RNF150: variants seen among roughly 807,000 people sequenced by gnomAD.
RNF150 encodes ring finger protein 150.
Under a neutral mutation model 39.3 loss-of-function variants are expected in RNF150, and 24 were observed. That is an observed-to-expected ratio of 0.61 (90% CI 0.44 to 0.86). RNF150 has a LOEUF of 0.86. RNF150 is among the 40% of genes least tolerant of loss of function. RNF150 has a pLI of 0.00. For missense variants in RNF150, 502 were observed against 587.8 expected, an observed-to-expected ratio of 0.85 and a Z score of 1.51; for synonymous variants, 255 against 227.3, an observed-to-expected ratio of 1.12 and a Z score of -1.10.
At position 141,078,703 on chromosome 4, in the gene RNF150, C is replaced by T. The variant is rs565415981; in HGVS notation, c.484+53622G>A. Reference sequence around the variant, plus strand: ...TACTCAGGAGGCTGAGGCAGGAGAACGGCGTGAACCCAGGCGGTGGAGCTT... The same window carrying T: ...TACTCAGGAGGCTGAGGCAGGAGAATGGCGTGAACCCAGGCGGTGGAGCTT... On this transcript the variant is annotated intron_variant, in intron 1 of 6. Coordinates refer to ENST00000515673, the MANE Select transcript of RNF150 (RefSeq NM_020724.2). Among the ~76,000 whole-genome samples, 11 of 147,082 alleles carry T rather than the reference C, an allele frequency of 7.5e-5. No individual in the cohort carries two copies. The East Asian group carries it at 8.1e-4, about 11-fold the overall frequency.
intron 1 of RNF150, among the ~76,000 whole-genome samples, chr4:141,084,249 C>A (rs973218211): frequency 6.6e-6 from 1 of 152,104 alleles, no homozygotes; most frequent in African/African-American, 2.4e-5. Context: ...TCTTATAATT[C>A]ACCCGGATTT....
chr4:141,124,111 C>T (rs137886055), intron 1 of RNF150, among the ~76,000 whole-genome samples: 84 of 152,354 alleles, frequency 5.5e-4, no homozygotes, highest in African/African-American at 2.0e-3. Context: ...GTGCTCAGCC[C>T]TCTCTTGCTG....
At chr4:141,201,095 T>TGAATTAGTTA (rs1553954772) in intron 1 of RNF150, among the ~76,000 whole-genome samples, 6 of 77,544 alleles carry the variant, frequency 7.7e-5, no homozygotes, top group Admixed American at 6.1e-4. Context: ...TTATTTCAGA[T>TGAATTAGTTA]CTTTACCAAT....
intron 1 of RNF150, among the ~76,000 whole-genome samples, chr4:141,104,941 C>A (rs1560741058): frequency 6.6e-6 from 1 of 152,178 alleles, no homozygotes; most frequent in Non-Finnish European, 1.5e-5. Context: ...CCTCTTATAT[C>A]CCAGTTGCAG....
chr4:141,061,267 T>A (rs901981533), intron 1 of RNF150, among the ~76,000 whole-genome samples: 4 of 152,142 alleles, frequency 2.6e-5, no homozygotes, highest in Admixed American at 2.6e-4. Context: ...TAGCCTAAAT[T>A]TTCATTTTTT....
chr4:141,032,886 T>G (rs1322102581), intron 1 of RNF150, among the ~76,000 whole-genome samples: 2 of 152,220 alleles, frequency 1.3e-5, no homozygotes, highest in Non-Finnish European at 2.9e-5. Context: ...TTAAAAATAC[T>G]TTATTGCTAA....
At chr4:141,022,242 G>T (rs1735523965) in intron 1 of RNF150, among the ~76,000 whole-genome samples, 1 of 151,688 alleles carries the variant, frequency 6.6e-6, no homozygotes, top group Non-Finnish European at 1.5e-5. Context: ...TTTCCTGCAG[G>T]CTGGTGGAAT....
At chr4:141,165,033 G>A (rs961136329) in intron 1 of RNF150, among the ~76,000 whole-genome samples, 4 of 152,080 alleles carry the variant, frequency 2.6e-5, no homozygotes, top group South Asian at 2.1e-4. Context: ...ACTCACCAGC[G>A]TGCTGTATTC....
At chr4:140,909,518 T>C (rs1239012951) in intron 6 of RNF150, among the ~76,000 whole-genome samples, 1 of 151,886 alleles carries the variant, frequency 6.6e-6, no homozygotes, top group Non-Finnish European at 1.5e-5. Flanking sequence ...TTCTGAAACA[T>C]GCTGTAAGTG....
chr4:141,115,084 AG>A (rs1739506497), intron 1 of RNF150, among the ~76,000 whole-genome samples: 3 of 152,312 alleles, frequency 2.0e-5, no homozygotes, highest in Admixed American at 2.0e-4. Flanking sequence ...AACCAGCACA[AG>A]ACAAGGATGC....
intron 4 of RNF150, among the ~76,000 whole-genome samples, chr4:140,927,028 C>G (rs184265080): frequency 1.3e-5 from 2 of 152,356 alleles, no homozygotes; most frequent in East Asian, 3.9e-4. Flanking sequence ...ATTCTGTTCT[C>G]TCACTTGCAC....
chr4:141,160,656 C>T (rs188686433), intron 1 of RNF150, among the ~76,000 whole-genome samples: 27 of 152,204 alleles, frequency 1.8e-4, no homozygotes, highest in Admixed American at 1.3e-3. Flanking sequence ...GGTTTAGCAC[C>T]GTCCCCTCTT....
At chr4:141,056,437 A>G (rs1489405608) in intron 1 of RNF150, among the ~76,000 whole-genome samples, 1 of 152,114 alleles carries the variant, frequency 6.6e-6, no homozygotes, top group Non-Finnish European at 1.5e-5. Flanking sequence ...CACCTGCCCA[A>G]GGTCCTTAAA....
At position 141,109,368 on chromosome 4, in the gene RNF150, T is replaced by C. The variant is rs114505302; in HGVS notation, c.484+22957A>G. On this transcript the variant is annotated intron_variant, in intron 1 of 6. Transcript: ENST00000515673. The stretch of plus-strand genomic sequence containing the variant: ...GTAAAGTCCTGTTCTTTGTATTAGT[T>C]GGTACAAAGGAGCCAAGGAGAAATA... Among the ~76,000 whole-genome samples, 1,328 of 152,120 alleles carry C rather than the reference T, an allele frequency of 8.7e-3. 12 individuals carry two copies. Among genetic ancestry groups the C allele is most frequent in the Non-Finnish European group, 0.015 (993 of 68,006 alleles).
chr4:141,000,391 A>C (rs1442939949), intron 1 of RNF150, among the ~76,000 whole-genome samples: 3 of 152,312 alleles, frequency 2.0e-5, no homozygotes, highest in East Asian at 3.9e-4. Flanking sequence ...ATTCCTCAGT[A>C]AAGTTTTTAA....
chr4:141,082,300 T>A lies in RNF150; in HGVS notation c.484+50025A>T, dbSNP rs1216691489. Among the ~76,000 whole-genome samples the A allele has an allele frequency of 2.0e-5, 3 of 152,374 alleles. No individual in the cohort carries two copies. The East Asian group carries it at 5.8e-4, about 29-fold the overall frequency. ...TAAATAGTGATTCCTGCGTCACGGC[T>A]ATAAACGTTACGGACCTTGTTTCCT... On this transcript the variant is annotated intron_variant, in intron 1 of 6. Transcript: ENST00000515673.
chr4:141,046,637 T>G (rs1412312470), intron 1 of RNF150, among the ~76,000 whole-genome samples: 1 of 152,198 alleles, frequency 6.6e-6, no homozygotes, highest in Non-Finnish European at 1.5e-5. Context: ...TCTGTACCCA[T>G]GACCATTTGT....
chr4:140,955,764 G>A (rs552052954), intron 2 of RNF150, among the ~76,000 whole-genome samples: 1 of 152,242 alleles, frequency 6.6e-6, no homozygotes, highest in South Asian at 2.1e-4. Flanking sequence ...CTCTCCCTTG[G>A]TGGCTGAGAC....
intron 1 of RNF150, among the ~76,000 whole-genome samples, chr4:141,012,548 T>C (rs1430103728): frequency 6.6e-6 from 1 of 151,750 alleles, no homozygotes; most frequent in Non-Finnish European, 1.5e-5. Flanking sequence ...CTGTAATCCC[T>C]TTGGAAGGGA....
Sources: gnomAD v4.1 joint callset for allele counts (sites outside exome capture counted in the v4.1 genomes callset) on GRCh38, gnomAD v4.1.1 for gene constraint, MANE v1.5 for transcripts, NCBI Gene and HGNC (gene_info 2026-07-23, HGNC 2026-07-21) for gene names.